Variants in DCC observed in about 807,000 individuals in gnomAD.
DCC encodes DCC netrin 1 receptor.
Under a neutral mutation model 172.5 loss-of-function variants are expected in DCC, and 58 were observed. The observed-to-expected ratio is 0.34, with a 90% CI of 0.27 to 0.42. The LOEUF is 0.42. Among genes scored for constraint, DCC ranks in the 10% least tolerant of loss-of-function variants. The pLI, the probability that DCC is intolerant of heterozygous loss-of-function variation, is 1.00. For missense variants in DCC, 1,740 were observed against 1,791.0 expected, an observed-to-expected ratio of 0.97 and a Z score of 0.51; for synonymous variants, 709 against 644.5, an observed-to-expected ratio of 1.10 and a Z score of -1.52.
chr18:53,310,316 C>T (rs2057251535), intron 13 of DCC, among the ~76,000 whole-genome samples: 1 of 151,870 alleles, frequency 6.6e-6, no homozygotes. Context: ...AGGATTTGAT[C>T]CTATGATTTT....
intron 12 of DCC, among the ~76,000 whole-genome samples, chr18:53,270,975 T>TTTTA (rs890077778): frequency 2.6e-5 from 4 of 152,286 alleles, no homozygotes; most frequent in African/African-American, 7.2e-5. Context: ...TATTACCCAT[T>TTTTA]TTATTGTTAA....
chr18:53,454,098 A>C (rs1306384998), intron 23 of DCC, among the ~76,000 whole-genome samples: 1 of 152,218 alleles, frequency 6.6e-6, no homozygotes, highest in African/African-American at 2.4e-5. Flanking sequence ...CTGTAACCCC[A>C]GCCTTTTGGG....
intron 1 of DCC, among the ~76,000 whole-genome samples, chr18:52,659,036 ATGT>A (rs2035309298): frequency 6.6e-6 from 1 of 152,226 alleles, no homozygotes; most frequent in South Asian, 2.1e-4. Flanking sequence ...GTTATCTATA[ATGT>A]TGTTCTAGCC....
At chr18:53,289,165 G>T (rs1315833071) in intron 12 of DCC, among the ~76,000 whole-genome samples, 1 of 149,932 alleles carries the variant, frequency 6.7e-6, no homozygotes, top group Non-Finnish European at 1.5e-5. Flanking sequence ...CAAAAAAAAA[G>T]ATTTGATATT....
intron 1 of DCC, among the ~76,000 whole-genome samples, chr18:52,478,901 G>T (rs1430007007): frequency 6.6e-6 from 1 of 152,120 alleles, no homozygotes; most frequent in Non-Finnish European, 1.5e-5. Flanking sequence ...TTTGTGAGGG[G>T]ACACAGATCC....
At chr18:53,033,756 T>C (rs1298270900) in intron 5 of DCC, among the ~76,000 whole-genome samples, 1 of 152,134 alleles carries the variant, frequency 6.6e-6, no homozygotes, top group African/African-American at 2.4e-5. Context: ...CTTTTAGATA[T>C]CACCTTATTC....
chr18:52,747,919 G>C (rs916237270), intron 1 of DCC, among the ~76,000 whole-genome samples: 9 of 152,258 alleles, frequency 5.9e-5, no homozygotes, highest in African/African-American at 1.9e-4. Flanking sequence ...TTTCAGTGCC[G>C]CTTCGCCAGC....
intron 2 of DCC, among the ~76,000 whole-genome samples, chr18:52,837,543 G>A (rs1422301141): frequency 1.3e-5 from 2 of 152,068 alleles, no homozygotes; most frequent in South Asian, 2.1e-4. Flanking sequence ...TTCCCAATAA[G>A]TTCTCCATCT....
At chr18:53,527,143 TC>T (rs2046467192) in intron 28 of DCC, among the ~76,000 whole-genome samples, 1 of 150,046 alleles carries the variant, frequency 6.7e-6, no homozygotes, top group Non-Finnish European at 1.5e-5. Context: ...GTGTTTCTTT[TC>T]AATAGGAAGA....
At position 53,476,897 on chromosome 18, in the gene DCC, TA is replaced by T. The variant is rs1215688389; in HGVS notation, c.3736+8888del. Among the ~76,000 whole-genome samples the T allele has an allele frequency of 3.3e-5, 5 of 152,252 alleles. No individual in the cohort carries two copies. The East Asian group carries it at 9.6e-4, about 29-fold the overall frequency. On this transcript the variant is annotated intron_variant, in intron 25 of 28. Coordinates refer to ENST00000442544, the MANE Select transcript of DCC (RefSeq NM_005215.4). ...GAGAAAAAAGACAATAGAATATGTATATTTTTAAATAACTTGGTCACATCAC... is the reference window on the plus strand; with the variant it reads ...GAGAAAAAAGACAATAGAATATGTATTTTTTAAATAACTTGGTCACATCAC...
intron 2 of DCC, among the ~76,000 whole-genome samples, chr18:52,789,520 T>C (rs923246234): frequency 1.3e-5 from 2 of 152,196 alleles, no homozygotes; most frequent in South Asian, 2.1e-4. Flanking sequence ...TTAAGAAAAT[T>C]ATTTTAAATC....
chr18:52,432,726 C>T (rs980043753), intron 1 of DCC, among the ~76,000 whole-genome samples: 4 of 152,104 alleles, frequency 2.6e-5, no homozygotes, highest in East Asian at 3.9e-4. Context: ...ATGGACATTG[C>T]GATTAAATAC....
chr18:52,463,638 C>T (rs902321629), intron 1 of DCC, among the ~76,000 whole-genome samples: 3 of 152,234 alleles, frequency 2.0e-5, no homozygotes, highest in Admixed American at 1.3e-4. Flanking sequence ...AGCCTTTGAT[C>T]ATAAGCATCA....
At position 52,717,733 on chromosome 18, in the gene DCC, A is replaced by T. The variant is rs1028698830; in HGVS notation, c.92-34321A>T. Among the ~76,000 whole-genome samples, 10 of 152,134 alleles carry T rather than the reference A, an allele frequency of 6.6e-5. 1 individual carries two copies. In the South Asian group the frequency reaches 2.1e-3, roughly 31 times the overall value. On this transcript the variant is annotated intron_variant, in intron 1 of 28. Transcript: ENST00000442544. ...GCTGGTGCTGTTCTTCCACAGATAA[A>T]ATACTTAAAAGACATATTTATTTAA...
chr18:52,895,306 T>G (rs1296504268), intron 2 of DCC, among the ~76,000 whole-genome samples: 1 of 152,232 alleles, frequency 6.6e-6, no homozygotes, highest in Non-Finnish European at 1.5e-5. Flanking sequence ...AGCCTCAGCC[T>G]GAATTCTGTA....
intron 5 of DCC, among the ~76,000 whole-genome samples, chr18:52,945,262 A>G (rs1476473686): frequency 6.6e-6 from 1 of 152,196 alleles, no homozygotes; most frequent in East Asian, 1.9e-4. Context: ...TATATGAACA[A>G]TGCTTAAGAT....
chr18:52,358,088 C>A (rs1166033606), intron 1 of DCC, among the ~76,000 whole-genome samples: 1 of 152,142 alleles, frequency 6.6e-6, no homozygotes, highest in Non-Finnish European at 1.5e-5. Context: ...TTTTCCAAAT[C>A]CATAACCCCA....
chr18:53,324,417 A>G (rs1195048401), intron 14 of DCC, among the ~76,000 whole-genome samples: 2 of 152,104 alleles, frequency 1.3e-5, no homozygotes, highest in Non-Finnish European at 2.9e-5. Flanking sequence ...CCCAAGGAGT[A>G]TAAGTTGTAT....
intron 5 of DCC, among the ~76,000 whole-genome samples, chr18:52,953,201 G>A (rs1191760310): frequency 2.0e-5 from 3 of 151,994 alleles, no homozygotes; most frequent in African/African-American, 2.4e-5. Flanking sequence ...TTAATAAACA[G>A]GTGAGTTACA....
Sources: gnomAD v4.1 joint callset for allele counts (sites outside exome capture counted in the v4.1 genomes callset) on GRCh38, gnomAD v4.1.1 for gene constraint, MANE v1.5 for transcripts, NCBI Gene and HGNC (gene_info 2026-07-23, HGNC 2026-07-21) for gene names.